THSD7B: variants seen among roughly 807,000 people sequenced by gnomAD.
THSD7B encodes thrombospondin type-1 domain-containing protein 7B.
A neutral mutation model predicts 213.6 loss-of-function variants in THSD7B; 138 were observed. The observed-to-expected ratio is 0.65, with a 90% CI of 0.56 to 0.74. The LOEUF (loss-of-function observed/expected upper bound fraction) is 0.74, where lower values mean the gene tolerates loss of function less well. Ranked by LOEUF, THSD7B falls within the 30% of genes least tolerant of loss-of-function variation. The probability of loss-of-function intolerance (pLI) is 0.00; values close to 1 mark genes in which losing one functional copy is unlikely to be tolerated. For missense variants in THSD7B, 1,931 were observed against 1,991.5 expected (o/e 0.97, Z 0.58); for synonymous variants, 742 against 687.0 (o/e 1.08, Z -1.25).
At chr2:137,283,738 A>T (rs1683096234) in intron 12 of THSD7B, among the ~76,000 whole-genome samples, 2 of 152,154 alleles carry the variant, frequency 1.3e-5, no homozygotes, top group Admixed American at 6.5e-5. Context: ...CTTGCATCCC[A>T]GGAATGAAGC....
intron 1 of THSD7B, among the ~76,000 whole-genome samples, chr2:136,799,723 A>G (rs1469518552): frequency 6.6e-6 from 1 of 151,976 alleles, no homozygotes; most frequent in Non-Finnish European, 1.5e-5. Context: ...AGTTAATTTG[A>G]AAGAAATAGA....
At chr2:137,584,649 T>A (rs1173914537) in intron 17 of THSD7B, among the ~76,000 whole-genome samples, 1 of 152,172 alleles carries the variant, frequency 6.6e-6, no homozygotes, top group Non-Finnish European at 1.5e-5. Context: ...TATTGATTTG[T>A]GTATGTTGAA....
In THSD7B at chr2:136,985,072, G is replaced by A. The variant is rs543957782; in HGVS notation, c.140-71348G>A. Among the ~76,000 whole-genome samples, 5 of 152,254 alleles carry A rather than the reference G, an allele frequency of 3.3e-5. No homozygotes were observed. The South Asian group carries it at 1.0e-3, about 32-fold the overall frequency. ...ATCTAACAACCTACCATCAGATGTG[G>A]GAGCAAAATAAAGACTTAAAGTTGA... On this transcript the variant is annotated intron_variant, in intron 2 of 27. Coordinates refer to ENST00000409968, the MANE Select transcript of THSD7B (RefSeq NM_001316349.2).
chr2:136,951,316 C>T (rs1209198332), intron 2 of THSD7B, among the ~76,000 whole-genome samples: 2 of 152,108 alleles, frequency 1.3e-5, no homozygotes, highest in African/African-American at 4.8e-5. Context: ...TTCTCTTTTC[C>T]TCTCTGCATT....
intron 12 of THSD7B, among the ~76,000 whole-genome samples, chr2:137,401,894 C>A (rs979880079): frequency 6.6e-6 from 1 of 152,146 alleles, no homozygotes; most frequent in Admixed American, 6.5e-5. Flanking sequence ...CATATCTGAG[C>A]TATTGGTTCA....
chr2:137,588,791 TA>T (rs1681800653), intron 17 of THSD7B, among the ~76,000 whole-genome samples: 1 of 151,712 alleles, frequency 6.6e-6, no homozygotes, highest in African/African-American at 2.4e-5. Context: ...TTTATTTATT[TA>T]TTTATTTTTC....
intron 15 of THSD7B, among the ~76,000 whole-genome samples, chr2:137,463,549 A>G (rs960953789): frequency 3.9e-5 from 6 of 151,904 alleles, no homozygotes; most frequent in Non-Finnish European, 7.4e-5. Context: ...TTTCTCTACT[A>G]TCATTCCAAA....
chr2:136,906,378 T>A (rs1475838275), intron 2 of THSD7B: 1 of 152,164 alleles, frequency 6.6e-6, no homozygotes. Flanking sequence ...TCTATATCCA[T>A]TTATTGAGAG....
intron 7 of THSD7B, among the ~76,000 whole-genome samples, chr2:137,184,771 G>A (rs13407497): frequency 0.024 from 3,576 of 152,152 alleles, 76 homozygotes; most frequent in African/African-American, 0.054. Flanking sequence ...CCAGAGGCAA[G>A]GCAAAAATAA....
intron 14 of THSD7B, among the ~76,000 whole-genome samples, chr2:137,426,909 A>T (rs1687067918): frequency 6.6e-6 from 1 of 152,164 alleles, no homozygotes; most frequent in African/African-American, 2.4e-5. Flanking sequence ...ATAAGGGGTT[A>T]ATACCCAAAA....
chr2:137,650,710 C>A (rs1683122427), intron 21 of THSD7B, among the ~76,000 whole-genome samples: 1 of 152,166 alleles, frequency 6.6e-6, no homozygotes, highest in Admixed American at 6.5e-5. Flanking sequence ...ACAATGTTAG[C>A]TGTGAGTCTG....
chr2:137,120,991 G>A (rs187811825), intron 5 of THSD7B, among the ~76,000 whole-genome samples: 127 of 152,222 alleles, frequency 8.3e-4, no homozygotes, highest in Middle Eastern at 3.4e-3. Context: ...AAAGAAACAC[G>A]AAGTCAGAAA....
At chr2:136,929,767 C>T (rs487020) in intron 2 of THSD7B, among the ~76,000 whole-genome samples, 61,330 of 151,686 alleles carry the variant, frequency 0.4, 14,625 homozygotes, top group Non-Finnish European at 0.55. Context: ...CAGGTGTTCC[C>T]TGTGGGGTAG....
intron 12 of THSD7B, among the ~76,000 whole-genome samples, chr2:137,307,728 G>T (rs999802623): frequency 6.6e-6 from 1 of 152,070 alleles, no homozygotes; most frequent in African/African-American, 2.4e-5. Flanking sequence ...GTGCAATTTG[G>T]ACACAGGCAT....
At chr2:137,667,400 A>G (rs1205246082) in intron 26 of THSD7B, among the ~76,000 whole-genome samples, 1 of 152,214 alleles carries the variant, frequency 6.6e-6, no homozygotes, top group Non-Finnish European at 1.5e-5. Context: ...TGAAGTTACA[A>G]CCTAATGTTT....
In THSD7B at chr2:137,416,672, G is replaced by T. The variant is rs377453898; in HGVS notation, c.2959+4800G>T. Among the ~76,000 whole-genome samples the T allele has an allele frequency of 1.2e-3, 177 of 152,314 alleles. 1 individual carries two copies. The highest frequency in any genetic ancestry group is 3.8e-3 in the African/African-American group (160 of 41,570). ...TCAACACACATATGCCCATATACAG[G>T]TTCTGAAGTGTGCGTGCAGTGTATG... On this transcript the variant is annotated intron_variant, in intron 14 of 27. Transcript: ENST00000409968.
At position 136,935,064 on chromosome 2, in the gene THSD7B, T is replaced by C. The variant is rs41460245; in HGVS notation, c.139+52747T>C. On this transcript the variant is annotated intron_variant, in intron 2 of 27. Coordinates refer to ENST00000409968, the MANE Select transcript of THSD7B (RefSeq NM_001316349.2). The stretch of plus-strand genomic sequence containing the variant: ...ACTGTGGTATTTATGAGGAGTTTGA[T>C]TATGAGAATAGGATCATGGATTCAA... Among the ~76,000 whole-genome samples the C allele has an allele frequency of 6.7e-3, 1,016 of 152,278 alleles. 10 individuals carry two copies. The highest frequency in any genetic ancestry group is 0.023 in the African/African-American group (970 of 41,574).
rs761741158 is a variant in THSD7B at position 137,676,506 on chromosome 2, A to C, written c.4740-18A>C. 10 of 1,574,262 alleles carry C rather than the reference A, an allele frequency of 6.4e-6. No homozygotes were observed. The highest frequency in any genetic ancestry group is 8.6e-6 in the Non-Finnish European group (10 of 1,161,816). On this transcript the variant is annotated intron_variant, in intron 27 of 27. Coordinates refer to ENST00000409968, the MANE Select transcript of THSD7B (RefSeq NM_001316349.2). ...TCTATGAACTTACTTGATCTGAGGA[A>C]TTTTTTTCCCTTTGCAGCAAGAAGC...
At chr2:137,112,709 GATCTCTAATATTAAGACTTTTGATGAA>G (rs769848598) in intron 4 of THSD7B, among the ~76,000 whole-genome samples, 14 of 151,862 alleles carry the variant, frequency 9.2e-5, no homozygotes, top group Non-Finnish European at 1.9e-4. Context: ...GGCAACTGTG[GATCTCTAATATTAAGACTTTTGATGAA>G]ATCAATGAAA....
Sources: gnomAD v4.1 joint callset for allele counts (sites outside exome capture counted in the v4.1 genomes callset) on GRCh38, gnomAD v4.1.1 for gene constraint, MANE v1.5 for transcripts, NCBI Gene and HGNC (gene_info 2026-07-23, HGNC 2026-07-21) for gene names.